The following AFDN variants were observed in gnomAD, a reference collection of about 807,000 sequenced individuals.
The protein encoded by AFDN is afadin, adherens junction formation factor.
AFDN carries 68 observed loss-of-function variants against 216.6 expected under a neutral mutation model. The ratio of observed to expected loss-of-function variants is 0.31; its 90% CI spans 0.26 to 0.38. The LOEUF is 0.38. Ranked by LOEUF, AFDN falls within the 10% of genes least tolerant of loss-of-function variation. The pLI is 1.00. For synonymous variants in AFDN, 868 were observed against 853.7 expected (o/e 1.02, Z -0.29); for missense variants, 2,136 against 2,342.0 (o/e 0.91, Z 1.82).
At chr6:167,843,159 A>C (rs553406162) in intron 1 of AFDN, among the ~76,000 whole-genome samples, 44 of 152,250 alleles carry the variant, frequency 2.9e-4, no homozygotes, top group African/African-American at 1.0e-3. Context: ...ATGTGCAAAT[A>C]TTACCTCCAC....
At chr6:167,906,858 C>A (rs925186938) in intron 12 of AFDN, among the ~76,000 whole-genome samples, 1 of 152,144 alleles carries the variant, frequency 6.6e-6, no homozygotes, top group African/African-American at 2.4e-5. Flanking sequence ...TTGTTGGAAT[C>A]GAATTACTAT....
At chr6:167,848,237 A>G (rs1237149158) in intron 1 of AFDN, among the ~76,000 whole-genome samples, 6 of 152,208 alleles carry the variant, frequency 3.9e-5, no homozygotes, top group Non-Finnish European at 5.9e-5. Flanking sequence ...TGATTCAGGC[A>G]TTACAACCAG....
chr6:167,891,730 G>A (rs1787643210), intron 8 of AFDN, among the ~76,000 whole-genome samples: 1 of 152,060 alleles, frequency 6.6e-6, no homozygotes, highest in South Asian at 2.1e-4. Context: ...TATGTATGCT[G>A]TGCATGGCTG....
chr6:167,876,603 A>G (rs1483588718), intron 5 of AFDN, among the ~76,000 whole-genome samples: 2 of 152,212 alleles, frequency 1.3e-5, no homozygotes, highest in South Asian at 4.1e-4. Context: ...ACTGAAATGA[A>G]TTTCTGAATG....
At chr6:167,955,835 G>A (rs1796446389) in intron 30 of AFDN, among the ~76,000 whole-genome samples, 1 of 151,998 alleles carries the variant, frequency 6.6e-6, no homozygotes, top group South Asian at 2.1e-4. Context: ...AAAATTCTTG[G>A]GTGGGCACAG....
Position 167,947,833 on chromosome 6 carries a change from T to C in AFDN, c.3554-20T>C, listed in dbSNP as rs1214161071. 3 of 1,539,578 alleles carry C rather than the reference T, an allele frequency of 1.9e-6. No homozygotes were observed. The highest frequency in any genetic ancestry group is 1.2e-5 in the South Asian group (1 of 86,414). On this transcript the variant is annotated intron_variant, in intron 27 of 33. Transcript: ENST00000683244. ...TTTATTTAATATTACACTTTTTTTT[T>C]TCCCCCCTGACTTGAGCAGATCAGC...
chr6:167,901,688 C>G (rs746648939), intron 11 of AFDN, among the ~76,000 whole-genome samples: 2 of 152,074 alleles, frequency 1.3e-5, no homozygotes, highest in Non-Finnish European at 2.9e-5. Context: ...ATAGGGCCGC[C>G]GGCACTTCAA....
intron 2 of AFDN, among the ~76,000 whole-genome samples, chr6:167,868,027 C>G (rs1562578958): frequency 6.6e-6 from 1 of 152,176 alleles, no homozygotes; most frequent in Non-Finnish European, 1.5e-5. Flanking sequence ...CTGTTACTGC[C>G]TCTCTTTCTG....
At chr6:167,854,651 C>G (rs190496651) in intron 1 of AFDN, among the ~76,000 whole-genome samples, 1 of 151,798 alleles carries the variant, frequency 6.6e-6, no homozygotes, top group African/African-American at 2.4e-5. Context: ...TGCCGTCTGT[C>G]TGTCCCAACA....
At chr6:167,910,319 CTGTT>C (rs1300880042) in intron 13 of AFDN, among the ~76,000 whole-genome samples, 1 of 152,188 alleles carries the variant, frequency 6.6e-6, no homozygotes, top group Non-Finnish European at 1.5e-5. Flanking sequence ...TGATGACACA[CTGTT>C]TGAAGAATAT....
At chr6:167,839,593 G>A (rs1040210269) in intron 1 of AFDN, among the ~76,000 whole-genome samples, 5 of 152,110 alleles carry the variant, frequency 3.3e-5, no homozygotes, top group Non-Finnish European at 5.9e-5. Context: ...AAGAGGGAGC[G>A]GTAACTGGCA....
chr6:167,894,953 T>G (rs545670172), intron 9 of AFDN, among the ~76,000 whole-genome samples: 2 of 152,374 alleles, frequency 1.3e-5, no homozygotes, highest in South Asian at 4.1e-4. Flanking sequence ...ACATGATTAC[T>G]TATTTACTGC....
intron 23 of AFDN, among the ~76,000 whole-genome samples, chr6:167,926,084 T>C (rs1321823306): frequency 6.6e-6 from 1 of 152,246 alleles, no homozygotes; most frequent in Non-Finnish European, 1.5e-5. Context: ...AAAATTTTAG[T>C]TTATTTTTCT....
intron 4 of AFDN, among the ~76,000 whole-genome samples, chr6:167,874,055 T>TA (rs761147852): frequency 5.3e-5 from 8 of 152,190 alleles, no homozygotes; most frequent in Middle Eastern, 3.2e-3. Flanking sequence ...TGTACAAAGA[T>TA]ACGTTGCTCA....
chr6:167,926,439 C>T (rs112482869), intron 23 of AFDN, among the ~76,000 whole-genome samples: 1,579 of 152,254 alleles, frequency 0.01, 15 homozygotes, highest in Non-Finnish European at 0.016. Context: ...TGCTGTGAGA[C>T]CTTTATTTTT....
intron 10 of AFDN, among the ~76,000 whole-genome samples, chr6:167,897,839 T>C (rs189024931): frequency 1.3e-3 from 203 of 151,950 alleles, no homozygotes; most frequent in Non-Finnish European, 2.2e-3. Flanking sequence ...AGAGACGGAG[T>C]TTCACCATGT....
chr6:167,874,352 CTA>C (rs1319636161), intron 4 of AFDN, among the ~76,000 whole-genome samples: 2 of 152,086 alleles, frequency 1.3e-5, no homozygotes, highest in Non-Finnish European at 2.9e-5. Context: ...AAAAGCTTGA[CTA>C]TTTTTAATTA....
intron 1 of AFDN, among the ~76,000 whole-genome samples, chr6:167,862,554 T>G (rs947642294): frequency 6.6e-6 from 1 of 152,132 alleles, no homozygotes. Context: ...TTTTGTATTT[T>G]TGTAGAGACA....
chr6:167,836,043 A>T (rs1364227396), intron 1 of AFDN, among the ~76,000 whole-genome samples: 1 of 152,244 alleles, frequency 6.6e-6, no homozygotes, highest in Non-Finnish European at 1.5e-5. Context: ...TTCTGTATTT[A>T]TAAATGCCTC....
Sources: gnomAD v4.1 joint callset for allele counts (sites outside exome capture counted in the v4.1 genomes callset) on GRCh38, gnomAD v4.1.1 for gene constraint, MANE v1.5 for transcripts, NCBI Gene and HGNC (gene_info 2026-07-23, HGNC 2026-07-21) for gene names.